The following HERC4 variants were observed in gnomAD, a reference collection of about 807,000 sequenced individuals.
HERC4 encodes the protein probable E3 ubiquitin-protein ligase HERC4.
Under a neutral mutation model 124.3 loss-of-function variants are expected in HERC4, and 28 were observed. That is an observed-to-expected ratio of 0.23 (90% CI 0.17 to 0.31). The LOEUF is 0.31. Among genes scored for constraint, HERC4 ranks in the 10% least tolerant of loss-of-function variants. The probability of loss-of-function intolerance (pLI) is 1.00; values close to 1 mark genes in which losing one functional copy is unlikely to be tolerated. For missense variants in HERC4, 713 were observed against 1,229.3 expected (o/e 0.58, Z 6.28); for synonymous variants, 407 against 421.5 (o/e 0.97, Z 0.42).
In HERC4 at chr10:67,926,040, T is replaced by C. The variant is rs545134013; in HGVS notation, c.2839-853A>G. 2.6e-5 allele frequency among the ~76,000 whole-genome samples: 4 copies of C among 152,328 alleles called. No homozygotes were observed. The East Asian group carries it at 7.7e-4, about 29-fold the overall frequency. On this transcript the variant is annotated intron_variant, in intron 23 of 24. Coordinates refer to ENST00000373700, the MANE Select transcript of HERC4 (RefSeq NM_015601.4). ...TGAAACAAGAGTTTCATTGTTATTT[T>C]GAAGCCAATAAGTTTTGGGGTAATT...
chr10:68,002,355 AT>A (rs1236750954), intron 9 of HERC4, among the ~76,000 whole-genome samples: 3 of 152,206 alleles, frequency 2.0e-5, no homozygotes, highest in African/African-American at 7.2e-5. Context: ...CAAGAAGACA[AT>A]TCTGAGGAAG....
chr10:67,959,623 TTTTA>T (rs1377442603), intron 16 of HERC4, among the ~76,000 whole-genome samples: 1 of 152,168 alleles, frequency 6.6e-6, no homozygotes, highest in East Asian at 1.9e-4. Flanking sequence ...CATAAATTGT[TTTTA>T]TTTGACAGAA....
intron 15 of HERC4, among the ~76,000 whole-genome samples, chr10:67,982,566 CA>C (rs1178934652): frequency 6.6e-6 from 1 of 152,156 alleles, no homozygotes; most frequent in East Asian, 1.9e-4. Flanking sequence ...TTGGTCTGGG[CA>C]AAAATTTCCT....
chr10:68,026,441 T>A (rs570039881), intron 7 of HERC4, among the ~76,000 whole-genome samples: 8 of 152,190 alleles, frequency 5.3e-5, no homozygotes, highest in African/African-American at 1.9e-4. Context: ...ACAGATGTTT[T>A]TAAAAAAAAC....
At chr10:68,023,601 G>C (rs1330696834) in intron 8 of HERC4, among the ~76,000 whole-genome samples, 2 of 152,110 alleles carry the variant, frequency 1.3e-5, no homozygotes, top group Non-Finnish European at 2.9e-5. Context: ...AGTTTTGCAA[G>C]ATAAAAAGAA....
At chr10:67,986,129 G>C (rs2036247682) in intron 15 of HERC4, among the ~76,000 whole-genome samples, 1 of 152,118 alleles carries the variant, frequency 6.6e-6, no homozygotes, top group Non-Finnish European at 1.5e-5. Context: ...TTTCCTCTAA[G>C]GCATAGAAGA....
intron 23 of HERC4, among the ~76,000 whole-genome samples, chr10:67,930,952 T>A (rs915762034): frequency 3.9e-5 from 6 of 152,156 alleles, no homozygotes; most frequent in Non-Finnish European, 7.3e-5. Flanking sequence ...AGTGCTGGGA[T>A]TACAGGCATG....
At chr10:68,023,086 T>C (rs2038726428) in intron 8 of HERC4, among the ~76,000 whole-genome samples, 1 of 151,866 alleles carries the variant, frequency 6.6e-6, no homozygotes. Context: ...TGTACACTTT[T>C]GGTGGAAATA....
At chr10:68,049,936 G>A (rs117300485) in intron 3 of HERC4, among the ~76,000 whole-genome samples, 2 of 152,216 alleles carry the variant, frequency 1.3e-5, no homozygotes, top group Non-Finnish European at 2.9e-5. Context: ...GCCAGACGCA[G>A]TGGCTTATGC....
intron 9 of HERC4, among the ~76,000 whole-genome samples, chr10:68,008,504 G>A (rs2037726864): frequency 6.6e-6 from 1 of 152,168 alleles, no homozygotes; most frequent in African/African-American, 2.4e-5. Context: ...AGGATAGTTT[G>A]GCAGGCAGGA....
intron 19 of HERC4, among the ~76,000 whole-genome samples, chr10:67,942,637 G>T (rs1037092130): frequency 6.6e-6 from 1 of 151,950 alleles, no homozygotes; most frequent in Admixed American, 6.6e-5. Flanking sequence ...TCAGCCTCCC[G>T]GGTAGCTGGG....
intron 20 of HERC4, among the ~76,000 whole-genome samples, chr10:67,940,058 G>A (rs1470281346): frequency 1.3e-5 from 2 of 151,870 alleles, no homozygotes; most frequent in Non-Finnish European, 2.9e-5. Context: ...AGCCAGAGCA[G>A]CTGGGATTAC....
intron 3 of HERC4, among the ~76,000 whole-genome samples, chr10:68,061,863 A>G (rs1444448756): frequency 7.3e-6 from 1 of 137,202 alleles, no homozygotes; most frequent in Non-Finnish European, 1.5e-5. Flanking sequence ...CCTGGGTGAC[A>G]GAGCGAGACT....
rs538621425 is a variant in HERC4, at chr10:67,972,364, A to G, written c.1807-5562T>C. On this transcript the variant is annotated intron_variant, in intron 15 of 24. Coordinates refer to ENST00000373700, the MANE Select transcript of HERC4 (RefSeq NM_015601.4). ...TGGAGAAACCCCATCTCTACTAATA[A>G]TACAAAATTAGCCGGGCATGGTGGT... Among the ~76,000 whole-genome samples, 278 of 151,058 alleles carry G rather than the reference A, an allele frequency of 1.8e-3. 2 individuals are homozygous for G. The highest frequency in any genetic ancestry group is 6.3e-3 in the African/African-American group (260 of 41,162).
At chr10:68,056,271 T>C (rs1484900713) in intron 3 of HERC4, among the ~76,000 whole-genome samples, 1 of 152,176 alleles carries the variant, frequency 6.6e-6, no homozygotes, top group Non-Finnish European at 1.5e-5. Context: ...ATGTAGCTGA[T>C]GGTGATCAAG....
At chr10:67,955,825 T>G (rs2034107777) in intron 17 of HERC4, 1 of 152,164 alleles carries the variant, frequency 6.6e-6, no homozygotes, top group South Asian at 2.1e-4. Context: ...AAGGAAGCAT[T>G]ACACAAATTC....
intron 15 of HERC4, among the ~76,000 whole-genome samples, chr10:67,978,629 AGTAGCCAGGAAGTTGTTATAACAGG>A (rs2035743678): frequency 6.6e-6 from 1 of 152,226 alleles, no homozygotes; most frequent in Admixed American, 6.5e-5. Context: ...GAAGATAGTC[AGTAGCCAGGAAGTTGTTATAACAGG>A]CCTTGGGTGA....
chr10:68,072,781 C>T, intron 3 of HERC4, 102 bp downstream of exon 3: 1 of 780,982 alleles, frequency 1.3e-6, no homozygotes, highest in Non-Finnish European at 1.9e-6. Flanking sequence ...GCTTTTAAAG[C>T]TTGATAAACA....
chr10:67,996,872 C>T (rs910464353), intron 9 of HERC4, among the ~76,000 whole-genome samples: 2 of 151,712 alleles, frequency 1.3e-5, no homozygotes, highest in Non-Finnish European at 2.9e-5. Context: ...CCTGTAGTCC[C>T]GGCTACTTGG....
Sources: allele counts gnomAD v4.1 joint callset (sites outside exome capture counted in the v4.1 genomes callset), GRCh38; gene constraint gnomAD v4.1.1; transcripts MANE v1.5; gene names NCBI Gene and HGNC (gene_info 2026-07-23, HGNC 2026-07-21).